Variants in TMX3 observed in about 807,000 individuals in gnomAD.
TMX3 encodes protein disulfide-isomerase TMX3.
A neutral mutation model predicts 64.4 loss-of-function variants in TMX3; 40 were observed. The ratio of observed to expected loss-of-function variants is 0.62; its 90% CI spans 0.48 to 0.81. TMX3 has a LOEUF of 0.81. Ranked by LOEUF, TMX3 falls within the 30% of genes least tolerant of loss-of-function variation. The pLI is 0.00. For missense variants in TMX3, 497 were observed against 534.5 expected (o/e 0.93, Z 0.69); for synonymous variants, 189 against 175.7 (o/e 1.08, Z -0.60).
intron 4 of TMX3, among the ~76,000 whole-genome samples, chr18:68,705,183 C>T (rs189745026): frequency 1.3e-5 from 2 of 152,158 alleles, no homozygotes; most frequent in African/African-American, 4.8e-5. Context: ...AGGGAAGCTC[C>T]TAAACATCCC....
At chr18:68,710,814 AATT>A (rs2031200480) in intron 3 of TMX3, among the ~76,000 whole-genome samples, 1 of 152,192 alleles carries the variant, frequency 6.6e-6, no homozygotes, top group Non-Finnish European at 1.5e-5. Context: ...AAGGAGAAAT[AATT>A]AAACAGTGAT....
In TMX3 at chr18:68,674,183, GA is replaced by G. The variant is rs1912746975; in HGVS notation, c.*2749del. The G allele has an allele frequency of 6.6e-6, 1 of 152,100 alleles. No homozygotes were observed. The highest frequency in any genetic ancestry group is 6.6e-5 in the Admixed American group (1 of 15,246). The allele number at this position is 152,100 out of a possible 1,614,324, so 9.4% of individuals were successfully genotyped here. A position where few individuals can be genotyped will look rare whatever the true frequency, so the allele number is the denominator to read the frequency against. The stretch of plus-strand genomic sequence containing the variant: ...GCATTTAAATGTTATTTCTAAATCA[GA>G]TACCAGGAAGCAACTATGTGAGAAA... On this transcript the variant is annotated 3_prime_UTR_variant, in exon 16 of 16. Transcript: ENST00000299608.
At chr18:68,688,922 GC>G (rs1914233112) in intron 9 of TMX3, 1 of 152,104 alleles carries the variant, frequency 6.6e-6, no homozygotes, top group African/African-American at 2.4e-5. Flanking sequence ...GAGGACAAGG[GC>G]TAAAAAAACT....
chr18:68,711,505 C>A (rs2031273930), intron 2 of TMX3, 102 bp from the exon 3 acceptor site: 4 of 730,502 alleles, frequency 5.5e-6, no homozygotes, highest in Non-Finnish European at 8.5e-6. Flanking sequence ...AGGGAAAGAC[C>A]CAAATTCCTT....
chr18:68,693,830 G>A (rs1245137741), intron 8 of TMX3, among the ~76,000 whole-genome samples: 1 of 152,112 alleles, frequency 6.6e-6, no homozygotes, highest in Non-Finnish European at 1.5e-5. Context: ...TCCACGGCCT[G>A]GAGTAAGAAC....
intron 10 of TMX3, chr18:68,687,385 C>T (rs999283871): frequency 1.0e-6 from 1 of 985,328 alleles, no homozygotes; most frequent in Non-Finnish European, 1.2e-6. Flanking sequence ...AGTACAGCTT[C>T]TTAGTTGGTT....
At chr18:68,714,604 G>GGAAC (rs1487453882) in intron 1 of TMX3, among the ~76,000 whole-genome samples, 123 of 152,342 alleles carry the variant, frequency 8.1e-4, no homozygotes, top group African/African-American at 2.8e-3. Flanking sequence ...AGATTTGGTC[G>GGAAC]TTAAGCTGGG....
rs1468952050 is a variant in TMX3, at chr18:68,711,379, GTCA to G, written c.123_125del (p.Asp42del). The stretch of plus-strand genomic sequence containing the variant: ...ACATACTTACATCTACAAGCCAAAT[GTCA>G]TCATTTCGATTTTCTTTAAACCTAA... On this transcript the variant is annotated inframe_deletion, in exon 3 of 16. Transcript: ENST00000299608. 1 of 1,588,592 alleles carries G rather than the reference GTCA, an allele frequency of 6.3e-7. No homozygotes were observed. Among genetic ancestry groups the G allele is most frequent in the African/African-American group, 1.4e-5 (1 of 73,920 alleles).
At chr18:68,699,345 T>C (rs901695576) in intron 6 of TMX3, among the ~76,000 whole-genome samples, 6 of 152,108 alleles carry the variant, frequency 3.9e-5, no homozygotes, top group Non-Finnish European at 5.9e-5. Flanking sequence ...ATGACTAATA[T>C]AAATCCTGGG....
At chr18:68,708,358 A>G (rs966840103) in intron 4 of TMX3, among the ~76,000 whole-genome samples, 6 of 152,128 alleles carry the variant, frequency 3.9e-5, no homozygotes, top group African/African-American at 1.4e-4. Flanking sequence ...ATTCAAAATC[A>G]TTGGTAACTT....
intron 6 of TMX3, among the ~76,000 whole-genome samples, chr18:68,700,017 G>T (rs2145093896): frequency 6.6e-6 from 1 of 152,220 alleles, no homozygotes; most frequent in African/African-American, 2.4e-5. Flanking sequence ...AGTCTGTTCA[G>T]AACAATAATA....
At chr18:68,690,577 G>A (rs375816130) in intron 9 of TMX3, among the ~76,000 whole-genome samples, 1 of 152,206 alleles carries the variant, frequency 6.6e-6, no homozygotes, top group Non-Finnish European at 1.5e-5. Flanking sequence ...TGTTGTAGCT[G>A]CATGTGGTTT....
chr18:68,714,882 G>A, intron 1 of TMX3, 54 bp downstream of exon 1: 1 of 1,546,216 alleles, frequency 6.5e-7, no homozygotes, highest in Admixed American at 2.0e-5. Flanking sequence ...CGGCCCCACG[G>A]CGGGGCCAGG....
chr18:68,682,535 T>A (rs1338387917), intron 13 of TMX3, among the ~76,000 whole-genome samples: 11 of 152,268 alleles, frequency 7.2e-5, no homozygotes, highest in Non-Finnish European at 1.5e-4. Flanking sequence ...ACAAAGTTAG[T>A]CTATCCAATT....
At chr18:68,682,795 G>A (rs1913563450) in intron 13 of TMX3, 130 bp downstream of exon 13, 1 of 632,550 alleles carries the variant, frequency 1.6e-6, no homozygotes, top group Non-Finnish European at 2.5e-6. Context: ...ATATTTAATG[G>A]GAGAATATCT....
chr18:68,679,717 C>T, intron 14 of TMX3, 186 bp from the exon 15 acceptor site: 1 of 534,288 alleles, frequency 1.9e-6, no homozygotes, highest in Non-Finnish European at 3.3e-6. Context: ...ATTCCTCCTG[C>T]CTGCTTGTGT....
intron 2 of TMX3, among the ~76,000 whole-genome samples, chr18:68,712,157 T>C (rs997826933): frequency 6.6e-6 from 1 of 152,246 alleles, no homozygotes. Context: ...GCCTAGACAG[T>C]GTGGCCCAAG....
chr18:68,708,045 G>GTA (rs59501873), intron 4 of TMX3, among the ~76,000 whole-genome samples: 2 of 125,978 alleles, frequency 1.6e-5, no homozygotes, highest in African/African-American at 4.9e-5. Context: ...GTATATATGT[G>GTA]TATATATATG....
rs1303269354 is a variant in TMX3, at chr18:68,710,128, C to T, written c.158G>A (p.Cys53Tyr). The T allele has an allele frequency of 1.3e-6, 2 of 1,561,272 alleles. No individual in the cohort carries two copies. Among genetic ancestry groups the T allele is most frequent in the Non-Finnish European group, 1.7e-6 (2 of 1,159,492 alleles). ...IWLVDFYAPW[C>Y]GHCKKLEPIW... ...TGGTTCCAGCTTTTTACAATGGCCA[C>T]ACCATGGCGCATAAAACTTGTTTTA... Residue 53 changes from cysteine (C) to tyrosine (Y), a missense_variant, in exon 4 of 16, where the codon TGT becomes TAT. Cys to Tyr is a radical substitution (Grantham distance 194, BLOSUM62 -2). This residue lies in a region of TMX3 where 360 missense variants were observed against 383.5 expected (regional missense o/e 0.94). Coordinates refer to ENST00000299608, the MANE Select transcript of TMX3 (RefSeq NM_019022.5).
Sources: gnomAD v4.1 joint callset for allele counts (sites outside exome capture counted in the v4.1 genomes callset) on GRCh38, gnomAD v4.1.1 for gene constraint, gnomAD v4.1.1 regional missense constraint, MANE v1.5 for transcripts, NCBI Gene and HGNC (gene_info 2026-07-23, HGNC 2026-07-21) for gene names.